The following PPP6R3 variants were observed in gnomAD, a reference collection of about 807,000 sequenced individuals.
PPP6R3 encodes the protein serine/threonine-protein phosphatase 6 regulatory subunit 3.
PPP6R3 carries 38 observed loss-of-function variants against 110.7 expected under a neutral mutation model. The observed-to-expected ratio is 0.34, with a 90% CI of 0.26 to 0.45. The LOEUF (loss-of-function observed/expected upper bound fraction) is 0.45. Among genes scored for constraint, PPP6R3 ranks in the 20% least tolerant of loss-of-function variants. PPP6R3 has a pLI of 1.00. For missense variants in PPP6R3, 870 were observed against 1,062.4 expected, an observed-to-expected ratio of 0.82 and a Z score of 2.52; for synonymous variants, 369 against 373.5, an observed-to-expected ratio of 0.99 and a Z score of 0.14.
chr11:68,564,238 G>C (rs1035417111), intron 8 of PPP6R3, 65 bp from the exon 9 acceptor site: 2 of 1,466,528 alleles, frequency 1.4e-6, no homozygotes, highest in Admixed American at 2.0e-5. Flanking sequence ...AGACATACAT[G>C]GTCGATAACC....
At chr11:68,495,725 C>T (rs768807949) in intron 1 of PPP6R3, among the ~76,000 whole-genome samples, 2 of 152,138 alleles carry the variant, frequency 1.3e-5, no homozygotes, top group African/African-American at 4.8e-5. Flanking sequence ...TTTATTTATT[C>T]ATTCATCAGT....
At chr11:68,496,221 A>G (rs904440367) in intron 1 of PPP6R3, among the ~76,000 whole-genome samples, 12 of 149,976 alleles carry the variant, frequency 8.0e-5, no homozygotes, top group African/African-American at 2.7e-4. Flanking sequence ...AGGTTTCACT[A>G]CGTTGTCCAG....
At chr11:68,602,447 A>G (rs942189871) in intron 21 of PPP6R3, among the ~76,000 whole-genome samples, 5 of 152,154 alleles carry the variant, frequency 3.3e-5, no homozygotes, top group African/African-American at 1.2e-4. Context: ...TACCTAGTCA[A>G]ATGTGTTCCT....
At chr11:68,549,191 C>T (rs1388336765) in intron 5 of PPP6R3, among the ~76,000 whole-genome samples, 1 of 152,156 alleles carries the variant, frequency 6.6e-6, no homozygotes, top group Non-Finnish European at 1.5e-5. Flanking sequence ...GCTCCCGGTC[C>T]CCCTCCCTTT....
chr11:68,555,331 A>G (rs2099395092), intron 7 of PPP6R3, among the ~76,000 whole-genome samples: 1 of 152,254 alleles, frequency 6.6e-6, no homozygotes, highest in South Asian at 2.1e-4. Flanking sequence ...TTGCCATTTC[A>G]GTAGGTTAGA....
chr11:68,524,588 CTTT>C (rs1049978648), intron 2 of PPP6R3, among the ~76,000 whole-genome samples: 2 of 152,144 alleles, frequency 1.3e-5, no homozygotes, highest in African/African-American at 4.8e-5. Context: ...AATCTTTGGA[CTTT>C]TTTGTTTCTT....
chr11:68,508,777 GGTT>G (rs1454658374), intron 1 of PPP6R3, among the ~76,000 whole-genome samples: 1 of 1,742 alleles, frequency 5.7e-4, no homozygotes, highest in South Asian at 0.031. Flanking sequence ...CTTTTGACAG[GGTT>G]AGGTTGTGTG....
At chr11:68,540,413 G>A (rs950907846) in intron 3 of PPP6R3, among the ~76,000 whole-genome samples, 1 of 152,110 alleles carries the variant, frequency 6.6e-6, no homozygotes, top group Non-Finnish European at 1.5e-5. Flanking sequence ...AAATAGGTGT[G>A]GGTGACAGAC....
intron 23 of PPP6R3, among the ~76,000 whole-genome samples, chr11:68,611,306 C>T (rs1943294119): frequency 6.6e-6 from 1 of 152,194 alleles, no homozygotes; most frequent in South Asian, 2.1e-4. Flanking sequence ...AGGTCTATCC[C>T]AGTTTGGGGC....
intron 12 of PPP6R3, among the ~76,000 whole-genome samples, chr11:68,571,489 C>A (rs541523083): frequency 2.6e-5 from 4 of 152,306 alleles, no homozygotes; most frequent in East Asian, 3.9e-4. Context: ...TACATATTTT[C>A]ATTGTAGAGA....
intron 14 of PPP6R3, 133 bp from the exon 15 acceptor site, chr11:68,582,905 GCTTAA>G: frequency 1.4e-6 from 1 of 707,276 alleles, no homozygotes; most frequent in South Asian, 2.0e-5. Flanking sequence ...GGGTTTGGCA[GCTTAA>G]CTGTGACTGA....
In PPP6R3 at chr11:68,465,089, C is replaced by T. The variant is rs527858208; in HGVS notation, c.-158+4262C>T. Among the ~76,000 whole-genome samples the T allele has an allele frequency of 2.6e-5, 4 of 152,220 alleles. No individual in the cohort carries two copies. In the South Asian group the frequency reaches 8.3e-4, roughly 32 times the overall value. ...TAGAGATGGGGTTTCACCATGTGGGCCAGGCTGGTCCCGATCTCCTGACCT... is the reference window on the plus strand; with the variant it reads ...TAGAGATGGGGTTTCACCATGTGGGTCAGGCTGGTCCCGATCTCCTGACCT... On this transcript the variant is annotated intron_variant, in intron 1 of 23. Coordinates refer to ENST00000393800, the MANE Select transcript of PPP6R3 (RefSeq NM_001164161.2).
At chr11:68,581,062 C>T (rs1020260209) in intron 14 of PPP6R3, among the ~76,000 whole-genome samples, 7 of 152,250 alleles carry the variant, frequency 4.6e-5, no homozygotes, top group African/African-American at 1.4e-4. Flanking sequence ...TGAGCCACTG[C>T]GCCCAGCCTA....
Position 68,613,761 on chromosome 11 carries a change from T to C in PPP6R3, c.*644T>C, listed in dbSNP as rs1030585902. 4.1e-6 allele frequency: 4 copies of C among 980,414 alleles called. No individual in the cohort carries two copies. In the African/African-American group the frequency reaches 7.0e-5, roughly 17 times the overall value. 60.7% of individuals were successfully genotyped at this position (980,414 alleles called of 1,614,324 possible). On this transcript the variant is annotated 3_prime_UTR_variant, in exon 24 of 24. Transcript: ENST00000393800. ...CTATTGGTAGAGATTAAGTAAAGTATTTATTGCTACATCATAGTTGATAAA... is the reference window on the plus strand; with the variant it reads ...CTATTGGTAGAGATTAAGTAAAGTACTTATTGCTACATCATAGTTGATAAA...
intron 20 of PPP6R3, 30 bp downstream of exon 20, chr11:68,600,524 T>A (rs754567462): frequency 1.9e-6 from 3 of 1,584,118 alleles, no homozygotes; most frequent in Non-Finnish European, 2.6e-6. Flanking sequence ...CTCTACACCC[T>A]TCCACGGGGG....
At chr11:68,504,298 T>C (rs1423964559) in intron 1 of PPP6R3, among the ~76,000 whole-genome samples, 1 of 152,130 alleles carries the variant, frequency 6.6e-6, no homozygotes, top group African/African-American at 2.4e-5. Context: ...GATTGAGAAA[T>C]ATACAGGTGG....
intron 22 of PPP6R3, among the ~76,000 whole-genome samples, chr11:68,603,705 A>G (rs1009062884): frequency 6.6e-6 from 1 of 152,216 alleles, no homozygotes; most frequent in African/African-American, 2.4e-5. Flanking sequence ...ATGTGTTCAG[A>G]AGACTGTATT....
chr11:68,546,327 G>A (rs1427535587), intron 4 of PPP6R3, among the ~76,000 whole-genome samples: 1 of 152,138 alleles, frequency 6.6e-6, no homozygotes, highest in East Asian at 1.9e-4. Context: ...GGTTGTTGTA[G>A]CCATTATCCA....
At position 68,571,074 on chromosome 11, in the gene PPP6R3, T is replaced by C; in HGVS notation, c.1313T>C (p.Leu438Pro). Residue 438 changes from leucine to proline, a missense_variant, in exon 12 of 24, where the codon CTT (leucine) becomes CCT (proline). By Grantham distance (98) the Leu-to-Pro change is moderately conservative. Coordinates refer to ENST00000393800, the MANE Select transcript of PPP6R3 (RefSeq NM_001164161.2). The part of the protein sequence containing the change: ...FQKCQLIERI[L>P]EAWEMNEKKQ... ...AAATGTCAATTAATAGAACGAATAC[T>C]TGAAGCCTGGGAAATGAATGAGAAG... 1 of 1,598,290 alleles carries C rather than the reference T, an allele frequency of 6.3e-7. No homozygotes were observed. The highest frequency in any genetic ancestry group is 1.7e-4 in the Middle Eastern group (1 of 6,020).
Sources: gnomAD v4.1 joint callset for allele counts (sites outside exome capture counted in the v4.1 genomes callset) on GRCh38, gnomAD v4.1.1 for gene constraint, MANE v1.5 for transcripts, NCBI Gene and HGNC (gene_info 2026-07-23, HGNC 2026-07-21) for gene names.